ADAMTS12: variants seen among roughly 807,000 people sequenced by gnomAD.
ADAMTS12 encodes the protein ADAM metallopeptidase with thrombospondin type 1 motif 12.
In ADAMTS12, 118 loss-of-function variants were observed where a neutral mutation model predicts 167.8. The ratio of observed to expected loss-of-function variants is 0.70; its 90% CI spans 0.61 to 0.82. ADAMTS12 has a LOEUF of 0.82. ADAMTS12 is among the 40% of genes least tolerant of loss of function. The pLI is 0.00. For synonymous variants in ADAMTS12, 704 were observed against 716.9 expected (o/e 0.98, Z 0.29); for missense variants, 1,916 against 1,998.8 (o/e 0.96, Z 0.79).
chr5:33,642,620 T>G (rs1195699403), intron 10 of ADAMTS12, among the ~76,000 whole-genome samples: 1 of 152,230 alleles, frequency 6.6e-6, no homozygotes, highest in Non-Finnish European at 1.5e-5. Context: ...CTTCCACGAC[T>G]ATCGGTTTAG....
intron 2 of ADAMTS12, among the ~76,000 whole-genome samples, chr5:33,829,700 C>A (rs906654229): frequency 6.6e-6 from 1 of 152,148 alleles, no homozygotes; most frequent in Admixed American, 6.5e-5. Context: ...GAACTCATTC[C>A]CTGGAAACAA....
rs114922005 is a variant in ADAMTS12, at chr5:33,580,040, T to C, written c.2866-2880A>G. Among the ~76,000 whole-genome samples, 837 of 152,332 alleles carry C rather than the reference T, an allele frequency of 5.5e-3. 6 individuals carry two copies. Among genetic ancestry groups the C allele is most frequent in the African/African-American group, 0.019 (807 of 41,570 alleles). On this transcript the variant is annotated intron_variant, in intron 18 of 23. Transcript: ENST00000504830. Reference sequence around the variant, plus strand: ...CCTACTGGTTTACTGCTGGATGTTTTTAGATTCAGATTTCCTAGAGCCAAC... The same window carrying C: ...CCTACTGGTTTACTGCTGGATGTTTCTAGATTCAGATTTCCTAGAGCCAAC...
intron 22 of ADAMTS12, among the ~76,000 whole-genome samples, chr5:33,536,266 G>T (rs1186534703): frequency 3.3e-5 from 5 of 152,284 alleles, no homozygotes; most frequent in East Asian, 3.9e-4. Context: ...CTCCCAAGTA[G>T]CTGGGACTAC....
chr5:33,728,096 G>A (rs910682936), intron 3 of ADAMTS12, among the ~76,000 whole-genome samples: 1 of 152,150 alleles, frequency 6.6e-6, no homozygotes, highest in Non-Finnish European at 1.5e-5. Context: ...AAATGCACAG[G>A]CAACAGTTAA....
At chr5:33,629,371 TA>T (rs147931619) in intron 13 of ADAMTS12, among the ~76,000 whole-genome samples, 52,534 of 151,954 alleles carry the variant, frequency 0.35, 10,221 homozygotes, top group African/African-American at 0.54. Context: ...ATATTATAAA[TA>T]TTTTTAAAAA....
intron 19 of ADAMTS12, among the ~76,000 whole-genome samples, chr5:33,567,374 TCTTTGTTTTCAGTC>T (rs1746066122): frequency 6.6e-6 from 1 of 152,210 alleles, no homozygotes; most frequent in Non-Finnish European, 1.5e-5. Flanking sequence ...CCACTTGTTT[TCTTTGTTTTCAGTC>T]CACAGAAGCC....
intron 5 of ADAMTS12, among the ~76,000 whole-genome samples, chr5:33,672,472 G>C (rs767022801): frequency 9.9e-5 from 15 of 152,178 alleles, no homozygotes; most frequent in African/African-American, 3.6e-4. Context: ...AAGCTTATTA[G>C]AGTTGAAGCA....
chr5:33,660,207 G>T (rs1443971327), intron 6 of ADAMTS12, among the ~76,000 whole-genome samples: 1 of 152,102 alleles, frequency 6.6e-6, no homozygotes. Context: ...GAAGGAAAGT[G>T]ACTATAAGAA....
At chr5:33,715,337 T>G (rs1743565196) in intron 3 of ADAMTS12, among the ~76,000 whole-genome samples, 1 of 152,124 alleles carries the variant, frequency 6.6e-6, no homozygotes, top group Non-Finnish European at 1.5e-5. Flanking sequence ...GAAGGCATCC[T>G]AACAGTCTTC....
At chr5:33,827,711 ATAG>A (rs369473094) in intron 2 of ADAMTS12, among the ~76,000 whole-genome samples, 22,237 of 101,708 alleles carry the variant, frequency 0.22, 1,833 homozygotes, top group Middle Eastern at 0.31. Flanking sequence ...AGAAAACAAA[ATAG>A]ATAGATAGAT....
intron 20 of ADAMTS12, among the ~76,000 whole-genome samples, chr5:33,557,646 G>C (rs1745544635): frequency 6.6e-6 from 1 of 151,966 alleles, no homozygotes; most frequent in East Asian, 1.9e-4. Context: ...AAATTAATTA[G>C]AAAAAGGGGT....
At chr5:33,607,443 C>T (rs1227508538) in intron 16 of ADAMTS12, among the ~76,000 whole-genome samples, 2 of 152,068 alleles carry the variant, frequency 1.3e-5, no homozygotes, top group Non-Finnish European at 2.9e-5. Context: ...TAAAGAATCC[C>T]GAAGACCTGA....
At chr5:33,766,121 CCT>C (rs1188328389) in intron 2 of ADAMTS12, among the ~76,000 whole-genome samples, 1 of 152,052 alleles carries the variant, frequency 6.6e-6, no homozygotes, top group African/African-American at 2.4e-5. Context: ...TTAACTGCCC[CCT>C]GTGTTTAGTG....
chr5:33,604,031 G>A (rs956830591), intron 16 of ADAMTS12, among the ~76,000 whole-genome samples: 4 of 152,086 alleles, frequency 2.6e-5, no homozygotes, highest in African/African-American at 7.2e-5. Context: ...GTTAATATAA[G>A]TATAAATTTA....
chr5:33,739,237 G>A (rs551300605), intron 3 of ADAMTS12, among the ~76,000 whole-genome samples: 70 of 151,972 alleles, frequency 4.6e-4, no homozygotes, highest in Middle Eastern at 3.4e-3. Context: ...TACACCCCAC[G>A]CATCAACACA....
At chr5:33,565,352 A>T (rs1448672336) in intron 19 of ADAMTS12, among the ~76,000 whole-genome samples, 1 of 152,150 alleles carries the variant, frequency 6.6e-6, no homozygotes, top group Non-Finnish European at 1.5e-5. Context: ...GTGTTTTGCC[A>T]TGTTGGCCAG....
At chr5:33,818,908 CCTTTT>C (rs565363317) in intron 2 of ADAMTS12, among the ~76,000 whole-genome samples, 113 of 152,002 alleles carry the variant, frequency 7.4e-4, no homozygotes, top group Non-Finnish European at 9.4e-4. Context: ...CTATTCAAGT[CCTTTT>C]CTTATTTTTT....
intron 7 of ADAMTS12, among the ~76,000 whole-genome samples, chr5:33,650,424 T>G (rs566102366): frequency 1.3e-5 from 2 of 152,358 alleles, no homozygotes; most frequent in South Asian, 4.1e-4. Flanking sequence ...TCACCAAGGA[T>G]AGAATTTTTT....
In ADAMTS12 at chr5:33,609,737, G is replaced by A. The variant is rs574052305; in HGVS notation, c.2527+4501C>T. ...AGAACAGAGACTTGCAACATTTTTG[G>A]TTCATATTGCCCTTCATGTTTCAGT... is the stretch of plus-strand genomic sequence containing the variant. On this transcript the variant is annotated intron_variant, in intron 16 of 23. Transcript: ENST00000504830. 4.6e-5 allele frequency among the ~76,000 whole-genome samples: 7 copies of A among 152,186 alleles called. No homozygotes were observed. In the East Asian group the frequency reaches 1.4e-3, roughly 29 times the overall value.
Sources: gnomAD v4.1 joint callset for allele counts (sites outside exome capture counted in the v4.1 genomes callset) on GRCh38, gnomAD v4.1.1 for gene constraint, MANE v1.5 for transcripts, NCBI Gene and HGNC (gene_info 2026-07-23, HGNC 2026-07-21) for gene names.